The following CCDC107 variants were observed in gnomAD, a reference collection of about 807,000 sequenced individuals.
CCDC107 encodes coiled-coil domain-containing protein 107.
A neutral mutation model predicts 17.9 loss-of-function variants in CCDC107; 17 were observed. That is an observed-to-expected ratio of 0.95 (90% CI 0.65 to 1.42). The LOEUF is 1.42. Among genes scored for constraint, CCDC107 ranks in the 40% most tolerant of loss-of-function variants. The pLI, the probability that CCDC107 is intolerant of heterozygous loss-of-function variation, is 0.00. For synonymous variants in CCDC107, 170 were observed against 157.2 expected, an observed-to-expected ratio of 1.08 and a Z score of -0.61; for missense variants, 388 against 360.1, an observed-to-expected ratio of 1.08 and a Z score of -0.63.
Position 35,658,503 on chromosome 9 carries a change from TGGA to T in CCDC107, c.106+24_106+26del. The stretch of plus-strand genomic sequence containing the variant: ...ACACCCAGGTACCAGCTAGGGCTGC[TGGA>T]GGAGGGCTGGGACTGCGCACGGGTC... On this transcript the variant is annotated intron_variant, in intron 1 of 4. Coordinates refer to ENST00000426546, the MANE Select transcript of CCDC107 (RefSeq NM_174923.3). The T allele has an allele frequency of 1.3e-6, 2 of 1,487,366 alleles. No individual in the cohort carries two copies. The highest frequency in any genetic ancestry group is 8.9e-7 in the Non-Finnish European group (1 of 1,119,810). The allele number at this position is 1,487,366 out of a possible 1,614,324, so 92.1% of individuals were successfully genotyped here. A position where few individuals can be genotyped will look rare whatever the true frequency, so the allele number is the denominator to read the frequency against.
chr9:35,660,550 T>C lies in CCDC107; in HGVS notation c.320-7T>C. 1 of 1,614,078 alleles carries C rather than the reference T, an allele frequency of 6.2e-7. No individual in the cohort carries two copies. Among genetic ancestry groups the C allele is most frequent in the South Asian group, 1.1e-5 (1 of 91,080 alleles). ...CACTTCTGCCCCCTTTTTTCCCTTA[T>C]CCCCAGAGCAACAGCTGGCCCAGTT... On this transcript the variant is annotated splice_polypyrimidine_tract_variant and splice_region_variant and intron_variant, in intron 3 of 4. Coordinates refer to ENST00000426546, the MANE Select transcript of CCDC107 (RefSeq NM_174923.3).
chr9:35,660,796 G>A lies in CCDC107; in HGVS notation c.461G>A (p.Trp154Ter), dbSNP rs780613843. Residue 154 changes from tryptophan to a stop codon, truncating the protein, a stop_gained, in exon 5 of 5, where the codon TGG (tryptophan) becomes TAG (stop). Coordinates refer to ENST00000426546, the MANE Select transcript of CCDC107 (RefSeq NM_174923.3). LOFTEE classifies it low-confidence loss of function (END_TRUNC). Reference protein sequence around the residue: ...AQQELLNMKLWTIHELLQDSK... With the variant: ...AQQELLNMKL Reference sequence around the variant, plus strand: ...CAGGAGCTTCTGAACATGAAGCTATGGACCATCCACGAGCTGCTGCAAGAT... The same window carrying A: ...CAGGAGCTTCTGAACATGAAGCTATAGACCATCCACGAGCTGCTGCAAGAT... The A allele has an allele frequency of 8.7e-6, 14 of 1,614,048 alleles. No individual in the cohort carries two copies. In the South Asian group the frequency reaches 1.3e-4, roughly 15 times the overall value.
chr9:35,660,168 G>T, intron 2 of CCDC107: 1 of 454,416 alleles, frequency 2.2e-6, no homozygotes, highest in Admixed American at 4.0e-5. Context: ...TCAAACCGGA[G>T]GGAGTTGCTC....
At position 35,661,416 on chromosome 9, in the gene CCDC107, A is replaced by C; in HGVS notation, c.*229A>C. 1 of 458,612 alleles carries C rather than the reference A, an allele frequency of 2.2e-6. No homozygotes were observed. The highest frequency in any genetic ancestry group is 5.4e-5 in the South Asian group (1 of 18,524). 28.4% of individuals were successfully genotyped at this position (458,612 alleles called of 1,614,324 possible). ...CCAAAAATCCCTTTTCTCATAGCAAAACTGAGACAGAAGGGTCTTTCCCAA... is the reference window on the plus strand; with the variant it reads ...CCAAAAATCCCTTTTCTCATAGCAACACTGAGACAGAAGGGTCTTTCCCAA... On this transcript the variant is annotated 3_prime_UTR_variant, in exon 5 of 5. Transcript: ENST00000426546.
intron 2 of CCDC107, chr9:35,660,146 C>T: frequency 2.5e-6 from 1 of 401,674 alleles, no homozygotes; most frequent in Non-Finnish European, 4.5e-6. Context: ...CACTCAGCCA[C>T]CAGAGCTTTT....
Position 35,658,409 on chromosome 9 carries a change from G to C in CCDC107, c.30G>C (p.Val10=). 1.4e-6 allele frequency: 2 copies of C among 1,440,464 alleles called. No individual in the cohort carries two copies. Among genetic ancestry groups the C allele is most frequent in the East Asian group, 3.0e-5 (1 of 33,788 alleles). 89.2% of individuals were successfully genotyped at this position (1,440,464 alleles called of 1,614,324 possible). The change falls in exon 1 of 5, where the codon GTG becomes GTC. Residue 10 remains valine (V), a synonymous_variant. Transcript: ENST00000426546. ...CGGGCGCAGTTTCGCTCTTGGGTGT[G>C]GTGGGGCTGCTGCTTGTGTCTGCGC... MAGAVSLLG[V]VGLLLVSALS... is the part of the protein sequence containing the mutation.
Position 35,660,459 on chromosome 9 carries a change from C to T in CCDC107, c.317C>T (p.Ser106Leu). ...GCAAGCAAGCAGCAGCCACTGCAGT[C>T]AGGTGGGTTTAGCAGAAGTCTGTGC... ...EEASKQQPLQ[S>L]EQQLAQLTQQ... The change falls in exon 3 of 5, where the codon TCA becomes TTA. Residue 106 changes from serine (S) to leucine (L), a missense_variant and splice_region_variant. Ser to Leu is a moderately radical substitution (Grantham distance 145). Transcript: ENST00000426546. 1 of 1,613,210 alleles carries T rather than the reference C, an allele frequency of 6.2e-7. No individual in the cohort carries two copies. The highest frequency in any genetic ancestry group is 1.3e-5 in the African/African-American group (1 of 75,010).
Position 35,658,312 on chromosome 9 carries a change from T to TG in CCDC107, c.-64dup. On this transcript the variant is annotated 5_prime_UTR_variant, in exon 1 of 5. Coordinates refer to ENST00000426546, the MANE Select transcript of CCDC107 (RefSeq NM_174923.3). ...GGCCTGCTCGCGTGCGCGTGCGCGTTGGGGCGGCCGGCCAATGCCGGACCG... is the reference window on the plus strand; with the variant it reads ...GGCCTGCTCGCGTGCGCGTGCGCGTTGGGGGCGGCCGGCCAATGCCGGACCG... 7.9e-7 allele frequency: 1 copy of TG among 1,266,426 alleles called. No homozygotes were observed. The highest frequency in any genetic ancestry group is 1.0e-6 in the Non-Finnish European group (1 of 996,532). 78.4% of individuals were successfully genotyped at this position (1,266,426 alleles called of 1,614,324 possible).
rs1416308308 is a variant in CCDC107 at position 35,658,294 on chromosome 9, T to TCGCGTG, written c.-74_-69dup. ...GCCTCCCCGGAGCCGGCCGGCCTGC[T>TCGCGTG]CGCGTGCGCGTGCGCGTTGGGGCGG... On this transcript the variant is annotated 5_prime_UTR_variant, in exon 1 of 5. Coordinates refer to ENST00000426546, the MANE Select transcript of CCDC107 (RefSeq NM_174923.3). The TCGCGTG allele has an allele frequency of 1.3e-5, 15 of 1,164,140 alleles. No homozygotes were observed. Among genetic ancestry groups the TCGCGTG allele is most frequent in the African/African-American group, 8.0e-5 (5 of 62,116 alleles). 72.1% of individuals were successfully genotyped at this position (1,164,140 alleles called of 1,614,324 possible). A position where few individuals can be genotyped will look rare whatever the true frequency, so the allele number is the denominator to read the frequency against.
chr9:35,661,214 TC>T lies in CCDC107; in HGVS notation c.*29del. The stretch of plus-strand genomic sequence containing the variant: ...GGAGTGCTCCTGTGTGTTTTTTCGA[TC>T]CTAGTTGGTTGTACACACCCATACT... On this transcript the variant is annotated 3_prime_UTR_variant, in exon 5 of 5. Transcript: ENST00000426546. 3.2e-6 allele frequency: 5 copies of T among 1,545,860 alleles called. 1 individual carries two copies. The South Asian group carries it at 4.9e-5, about 15-fold the overall frequency.
chr9:35,658,611 C>G lies in CCDC107; in HGVS notation c.142C>G (p.Pro48Ala). The G allele has an allele frequency of 6.3e-7, 1 of 1,580,888 alleles. No individual in the cohort carries two copies. The highest frequency in any genetic ancestry group is 2.4e-5 in the East Asian group (1 of 42,340). Residue 48 changes from proline to alanine, a missense_variant, in exon 2 of 5, where the codon CCC becomes GCC. Transcript: ENST00000426546. ...AAHPGSGATE[P>A]RRRPPLKDQR... is the part of the protein sequence containing the mutation. Reference sequence around the variant, plus strand: ...CCACCCCGGCTCTGGAGCCACGGAACCCCGGCGGCGACCACCGCTCAAGGA... The same window carrying G: ...CCACCCCGGCTCTGGAGCCACGGAAGCCCGGCGGCGACCACCGCTCAAGGA...
chr9:35,658,846 C>T, intron 2 of CCDC107, 119 bp downstream of exon 2: 4 of 556,164 alleles, frequency 7.2e-6, no homozygotes, highest in Non-Finnish European at 1.2e-5. Flanking sequence ...ACACAGCTTC[C>T]CTGTCTGTAA....
rs1239758361 is a variant in CCDC107, at chr9:35,660,658, C to A, written c.410+11C>A. ...CCCCCTTTTTGAGCGGTGAGGAGAG[C>A]AATGATTCTGTGAATTTTTGGGGAA... On this transcript the variant is annotated intron_variant, in intron 4 of 4. Transcript: ENST00000426546. 6.2e-7 allele frequency: 1 copy of A among 1,613,948 alleles called. No homozygotes were observed. Among genetic ancestry groups the A allele is most frequent in the African/African-American group, 1.3e-5 (1 of 74,882 alleles).
chr9:35,658,669 C>T lies in CCDC107; in HGVS notation c.200C>T (p.Pro67Leu), dbSNP rs1357048626. Residue 67 changes from proline (P) to leucine (L), a missense_variant, in exon 2 of 5, where the codon CCT becomes CTT. Physicochemically the swap from Pro to Leu is moderately conservative, Grantham distance 98 (BLOSUM62 -3). Coordinates refer to ENST00000426546, the MANE Select transcript of CCDC107 (RefSeq NM_174923.3). ...GAGCGGACCCGGGCCGGGTCGCTGC[C>T]TCTGGGGGCGCTGTACACCGCGGCC... Reference protein sequence around the residue: ...QRERTRAGSLPLGALYTAAVA... With the variant: ...QRERTRAGSLLLGALYTAAVA... The T allele has an allele frequency of 2.5e-6, 4 of 1,573,974 alleles. No homozygotes were observed. The highest frequency in any genetic ancestry group is 2.4e-5 in the East Asian group (1 of 41,170).
intron 1 of CCDC107, 40 bp from the exon 2 acceptor site, chr9:35,658,536 G>T: frequency 6.5e-7 from 1 of 1,532,820 alleles, no homozygotes; most frequent in Non-Finnish European, 8.7e-7. Context: ...CGGGTCCCAG[G>T]CCCCAGCTCG....
In CCDC107 at chr9:35,658,370, T is replaced by C; in HGVS notation, c.-10T>C. 1 of 1,403,296 alleles carries C rather than the reference T, an allele frequency of 7.1e-7. No individual in the cohort carries two copies. The highest frequency in any genetic ancestry group is 9.3e-7 in the Non-Finnish European group (1 of 1,074,868). 86.9% of individuals were successfully genotyped at this position (1,403,296 alleles called of 1,614,324 possible). On this transcript the variant is annotated 5_prime_UTR_variant, in exon 1 of 5. Coordinates refer to ENST00000426546, the MANE Select transcript of CCDC107 (RefSeq NM_174923.3). ...ACCGCCCGCCCGATCCCTCCACCCGTGGGCCGGCAATGGCGGGCGCAGTTT... is the reference window on the plus strand; with the variant it reads ...ACCGCCCGCCCGATCCCTCCACCCGCGGGCCGGCAATGGCGGGCGCAGTTT...
chr9:35,658,576 G>C lies in CCDC107; in HGVS notation c.107G>C (p.Gly36Ala). The change falls in exon 2 of 5, where the codon GGG (glycine) becomes GCG (alanine). Residue 36 changes from glycine (G) to alanine (A), a missense_variant and splice_region_variant. By Grantham distance (60) the Gly-to-Ala change is moderately conservative (BLOSUM62 0). Transcript: ENST00000426546. ...ACTCGCCTGTATCCTCCCTCCGCAG[G>C]GAACGCAGCCCACCCCGGCTCTGGA... ...RANPDLRAHP[G>A]NAAHPGSGAT... 1.3e-6 allele frequency: 2 copies of C among 1,580,176 alleles called. No homozygotes were observed. Among genetic ancestry groups the C allele is most frequent in the Non-Finnish European group, 1.7e-6 (2 of 1,171,218 alleles).
rs567684657 is a variant in CCDC107 at position 35,660,170 on chromosome 9, G to A, written c.259-231G>A. The A allele has an allele frequency of 8.6e-6, 4 of 463,296 alleles. No homozygotes were observed. The East Asian group carries it at 1.5e-4, about 17-fold the overall frequency. 28.7% of individuals were successfully genotyped at this position (463,296 alleles called of 1,614,324 possible). ...ACCAGAGCTTTTTTCAAACCGGAGG[G>A]AGTTGCTCATTCCTGGAGGTGTTTC... On this transcript the variant is annotated intron_variant, in intron 2 of 4. Transcript: ENST00000426546.
At position 35,658,351 on chromosome 9, in the gene CCDC107, C is replaced by T. The variant is rs572985238; in HGVS notation, c.-29C>T. The T allele has an allele frequency of 2.2e-6, 3 of 1,351,308 alleles. No homozygotes were observed. The South Asian group carries it at 5.5e-5, about 25-fold the overall frequency. The allele number at this position is 1,351,308 out of a possible 1,614,324, so 83.7% of individuals were successfully genotyped here. ...AATGCCGGACCGCTTCGGCACCGCC[C>T]GCCCGATCCCTCCACCCGTGGGCCG... On this transcript the variant is annotated 5_prime_UTR_variant, in exon 1 of 5. Coordinates refer to ENST00000426546, the MANE Select transcript of CCDC107 (RefSeq NM_174923.3).
Sources: allele counts gnomAD v4.1 joint callset, GRCh38; gene constraint gnomAD v4.1.1; transcripts MANE v1.5; gene names NCBI Gene and HGNC (gene_info 2026-07-23, HGNC 2026-07-21).